The following PDE11A variants were observed in gnomAD, a reference collection of about 807,000 sequenced individuals.
PDE11A encodes phosphodiesterase 11A, also known as dual 3',5'-cyclic-AMP and -GMP phosphodiesterase 11A.
In PDE11A, 100 loss-of-function variants were observed where a neutral mutation model predicts 100.5. The ratio of observed to expected loss-of-function variants is 1.00; its 90% CI spans 0.85 to 1.18. The LOEUF (loss-of-function observed/expected upper bound fraction) is 1.18. Ranked by LOEUF, PDE11A falls within the 50% of genes most tolerant of loss-of-function variation. The pLI is 0.00. For missense variants in PDE11A, 1,141 were observed against 1,152.6 expected (o/e 0.99, Z 0.15); for synonymous variants, 381 against 420.8 (o/e 0.91, Z 1.16).
In PDE11A at chr2:177,637,888, C is replaced by CAT. The variant is rs150487131; in HGVS notation, c.2647-8328_2647-8327dup. Among the ~76,000 whole-genome samples, 1,087 of 118,614 alleles carry CAT rather than the reference C, an allele frequency of 9.2e-3. 14 individuals carry two copies. The highest frequency in any genetic ancestry group is 0.026 in the African/African-American group (974 of 37,666). 77.8% of individuals were successfully genotyped at this position (118,614 alleles called of 152,430 possible). On this transcript the variant is annotated intron_variant, in intron 19 of 19. Transcript: ENST00000286063. ...TCTGCTATGGATCTCATCTACTATA[C>CAT]ATATATATATATACATATATACATA...
intron 2 of PDE11A, among the ~76,000 whole-genome samples, chr2:177,988,708 T>G (rs2105808189): frequency 6.6e-6 from 1 of 152,328 alleles, no homozygotes; most frequent in South Asian, 2.1e-4. Context: ...GTGGCAGTCA[T>G]CTTCTCTTCA....
At chr2:178,018,081 T>C (rs966858213) in intron 1 of PDE11A, 17 of 192,714 alleles carry the variant, frequency 8.8e-5, no homozygotes, top group African/African-American at 1.9e-4. Flanking sequence ...AGACCTGCCA[T>C]GTCTCAGCAC....
chr2:177,849,200 C>T (rs1207572629), intron 5 of PDE11A, among the ~76,000 whole-genome samples: 2 of 152,280 alleles, frequency 1.3e-5, no homozygotes, highest in Non-Finnish European at 2.9e-5. Context: ...TCAGCCCAGC[C>T]TAGCCCCTAC....
chr2:177,942,403 A>ATT (rs1321007785), intron 2 of PDE11A, among the ~76,000 whole-genome samples: 5,047 of 31,854 alleles, frequency 0.16, 278 homozygotes, highest in African/African-American at 0.27. Context: ...ATTTTTTAAA[A>ATT]TTATTTTTTT....
intron 19 of PDE11A, among the ~76,000 whole-genome samples, chr2:177,654,883 CGAA>C (rs1298329551): frequency 6.6e-6 from 1 of 151,940 alleles, no homozygotes; most frequent in Non-Finnish European, 1.5e-5. Context: ...CGAAGAGAGA[CGAA>C]GAAGAGAGGC....
At chr2:178,004,239 A>G (rs566659677) in intron 2 of PDE11A, among the ~76,000 whole-genome samples, 4 of 152,142 alleles carry the variant, frequency 2.6e-5, no homozygotes, top group Non-Finnish European at 5.9e-5. Flanking sequence ...ACAAGCTCAT[A>G]TTACTTTTAA....
At chr2:177,998,766 G>A (rs1484875150) in intron 2 of PDE11A, 3 of 778,860 alleles carry the variant, frequency 3.9e-6, no homozygotes, top group East Asian at 2.4e-5. Context: ...CTCTACCATC[G>A]GCATGGTGAG....
chr2:177,680,975 A>T (rs950751061), intron 15 of PDE11A, 72 bp from the exon 16 acceptor site: 4 of 799,704 alleles, frequency 5.0e-6, no homozygotes, highest in Non-Finnish European at 8.6e-6. Context: ...GTGGGGTGAC[A>T]TAAACACATC....
chr2:177,665,309 CAAAAAAAAAAA>C (rs9288007), intron 18 of PDE11A, among the ~76,000 whole-genome samples: 3 of 112,452 alleles, frequency 2.7e-5, no homozygotes, highest in African/African-American at 1.0e-4. Flanking sequence ...CCTGTCCCTA[CAAAAAAAAAAA>C]AAAAAAAAAA....
At chr2:177,760,815 C>A (rs1457250005) in intron 10 of PDE11A, among the ~76,000 whole-genome samples, 1 of 152,328 alleles carries the variant, frequency 6.6e-6, no homozygotes, top group East Asian at 1.9e-4. Context: ...TGTCTCCTAA[C>A]TTCCTATTTC....
intron 9 of PDE11A, among the ~76,000 whole-genome samples, chr2:177,807,364 T>C (rs2082887448): frequency 6.6e-6 from 1 of 152,178 alleles, no homozygotes; most frequent in Non-Finnish European, 1.5e-5. Flanking sequence ...ACTTTTTACA[T>C]TTTCTATAAC....
At chr2:177,780,735 C>G (rs780190512) in intron 9 of PDE11A, among the ~76,000 whole-genome samples, 6 of 152,196 alleles carry the variant, frequency 3.9e-5, no homozygotes, top group Admixed American at 6.5e-5. Flanking sequence ...TCATGAATCT[C>G]TGCTAGCTTC....
chr2:177,998,786 C>T, intron 2 of PDE11A: 1 of 727,240 alleles, frequency 1.4e-6, no homozygotes, highest in Non-Finnish European at 2.5e-6. Flanking sequence ...GCGACAAGCC[C>T]AGGGCCTGCT....
chr2:177,703,895 G>T (rs2081238633), intron 13 of PDE11A, among the ~76,000 whole-genome samples: 1 of 152,174 alleles, frequency 6.6e-6, no homozygotes, highest in Admixed American at 6.5e-5. Context: ...CTCCGATCTG[G>T]TGTGTTCTAT....
At chr2:177,706,451 G>A (rs1456538111) in intron 13 of PDE11A, among the ~76,000 whole-genome samples, 1 of 151,870 alleles carries the variant, frequency 6.6e-6, no homozygotes, top group Non-Finnish European at 1.5e-5. Flanking sequence ...TCACTTACTG[G>A]GAAATAAAAA....
At chr2:177,758,062 C>A (rs998514956) in intron 10 of PDE11A, among the ~76,000 whole-genome samples, 2 of 151,242 alleles carry the variant, frequency 1.3e-5, no homozygotes, top group African/African-American at 4.9e-5. Context: ...TTTCGGAGGC[C>A]GAAGTGGGTG....
chr2:177,985,703 C>T (rs1001164835), intron 2 of PDE11A, among the ~76,000 whole-genome samples: 12 of 152,162 alleles, frequency 7.9e-5, no homozygotes, highest in Non-Finnish European at 1.2e-4. Context: ...TTCTATCTGC[C>T]TCAGTCTCTT....
intron 5 of PDE11A, among the ~76,000 whole-genome samples, chr2:177,861,472 A>G (rs1056806959): frequency 2.6e-5 from 4 of 151,842 alleles, no homozygotes; most frequent in Admixed American, 2.6e-4. Context: ...GTTGGAATAT[A>G]ATCTTGTTAA....
intron 5 of PDE11A, among the ~76,000 whole-genome samples, chr2:177,855,630 G>A (rs1044942983): frequency 6.6e-6 from 1 of 151,974 alleles, no homozygotes; most frequent in Non-Finnish European, 1.5e-5. Context: ...TATTTGACCT[G>A]TTTGGCAGTT....
Sources: gnomAD v4.1 joint callset for allele counts (sites outside exome capture counted in the v4.1 genomes callset) on GRCh38, gnomAD v4.1.1 for gene constraint, MANE v1.5 for transcripts, NCBI Gene and HGNC (gene_info 2026-07-23, HGNC 2026-07-21) for gene names.